LPP: variants seen among roughly 807,000 people sequenced by gnomAD.
LPP encodes lipoma-preferred partner.
In LPP, 38 loss-of-function variants were observed where a neutral mutation model predicts 60.4. The observed-to-expected ratio is 0.63, with a 90% CI of 0.49 to 0.83. The LOEUF is 0.83. LPP is among the 40% of genes least tolerant of loss of function. The pLI, the probability that LPP is intolerant of heterozygous loss-of-function variation, is 0.00. For missense variants in LPP, 902 were observed against 783.6 expected (o/e 1.15, Z -1.80); for synonymous variants, 328 against 290.8 (o/e 1.13, Z -1.30).
intron 2 of LPP, among the ~76,000 whole-genome samples, chr3:188,267,683 A>G (rs1053664992): frequency 3.3e-5 from 5 of 152,294 alleles, no homozygotes; most frequent in East Asian, 3.9e-4. Context: ...GCCTCTTTGT[A>G]TATCTTTCAA....
chr3:188,568,106 T>G (rs1398957306), intron 6 of LPP: 1 of 152,012 alleles, frequency 6.6e-6, no homozygotes, highest in African/African-American at 2.4e-5. Context: ...ATTTGTGATA[T>G]CACTATCAAT....
intron 7 of LPP, among the ~76,000 whole-genome samples, chr3:188,701,345 G>A (rs922358520): frequency 6.6e-6 from 1 of 151,538 alleles, no homozygotes; most frequent in Admixed American, 6.6e-5. Context: ...AAGAGGAATG[G>A]CAAAGAAGAA....
chr3:188,775,420 G>C (rs1245069689), intron 9 of LPP, among the ~76,000 whole-genome samples: 1 of 152,172 alleles, frequency 6.6e-6, no homozygotes, highest in South Asian at 2.1e-4. Context: ...TAGACATTCA[G>C]TAGGGCCTGA....
intron 8 of LPP, among the ~76,000 whole-genome samples, chr3:188,747,275 T>C (rs945099183): frequency 1.3e-5 from 2 of 152,230 alleles, no homozygotes; most frequent in Non-Finnish European, 2.9e-5. Context: ...ATATGATTTC[T>C]TGCTGTGTTC....
chr3:188,849,541 A>G (rs369193234), intron 9 of LPP, among the ~76,000 whole-genome samples: 9 of 152,204 alleles, frequency 5.9e-5, no homozygotes, highest in South Asian at 4.1e-4. Flanking sequence ...TTATATGTCC[A>G]TACGGGATGC....
At chr3:188,719,877 T>A (rs1715612310) in intron 8 of LPP, among the ~76,000 whole-genome samples, 1 of 152,132 alleles carries the variant, frequency 6.6e-6, no homozygotes, top group Non-Finnish European at 1.5e-5. Flanking sequence ...TGTTTGAACA[T>A]CTCTGGAGTT....
intron 7 of LPP, among the ~76,000 whole-genome samples, chr3:188,627,206 G>A (rs1027214729): frequency 5.9e-5 from 9 of 152,100 alleles, no homozygotes; most frequent in African/African-American, 2.2e-4. Flanking sequence ...TAAGTACATA[G>A]CCTGCTAACA....
intron 7 of LPP, among the ~76,000 whole-genome samples, chr3:188,693,034 G>A (rs762830389): frequency 1.3e-5 from 2 of 152,174 alleles, no homozygotes; most frequent in Admixed American, 6.5e-5. Flanking sequence ...AGATGCAGAA[G>A]CATTTAGAGT....
intron 7 of LPP, among the ~76,000 whole-genome samples, chr3:188,635,959 A>G (rs918889334): frequency 1.3e-5 from 2 of 152,218 alleles, no homozygotes; most frequent in Non-Finnish European, 2.9e-5. Flanking sequence ...GTTTTACCCA[A>G]TGCCTAGCCT....
At chr3:188,755,809 C>CAAAAAAAAAAAAAAAAAAAAAAAAAAAA (rs58696911) in intron 8 of LPP, among the ~76,000 whole-genome samples, 1 of 73,994 alleles carries the variant, frequency 1.4e-5, no homozygotes, top group Admixed American at 1.5e-4. Context: ...GATCCTGTCA[C>CAAAAAAAAAAAAAAAAAAAAAAAAAAAA]AAAAAAAAAA....
intron 2 of LPP, among the ~76,000 whole-genome samples, chr3:188,288,818 A>AT (rs1553851074): frequency 1.1e-4 from 3 of 27,094 alleles, no homozygotes; most frequent in African/African-American, 2.0e-4. Context: ...TCCACCCCCC[A>AT]CCCCCCACCC....
chr3:188,540,281 A>G (rs909696091), intron 6 of LPP, among the ~76,000 whole-genome samples: 5 of 152,314 alleles, frequency 3.3e-5, no homozygotes, highest in Admixed American at 1.3e-4. Flanking sequence ...TATTAAAGAA[A>G]AACTATATTG....
rs1459516755 is a variant in LPP, at chr3:188,265,036, C to T, written c.-67+39509C>T. Among the ~76,000 whole-genome samples the T allele has an allele frequency of 2.6e-5, 4 of 152,270 alleles. No individual in the cohort carries two copies. The East Asian group carries it at 7.7e-4, about 29-fold the overall frequency. Reference sequence around the variant, plus strand: ...ACCCTTCTTCATTTAGTTCCCCAAACTTCCACCCACTTTCTGACTCAAAGC... The same window carrying T: ...ACCCTTCTTCATTTAGTTCCCCAAATTTCCACCCACTTTCTGACTCAAAGC... On this transcript the variant is annotated intron_variant, in intron 2 of 11. Transcript: ENST00000617246.
chr3:188,200,947 T>C (rs1302711908), intron 1 of LPP, among the ~76,000 whole-genome samples: 2 of 152,204 alleles, frequency 1.3e-5, no homozygotes, highest in African/African-American at 4.8e-5. Context: ...ATGTAAAATA[T>C]ATAAACTTAA....
intron 2 of LPP, among the ~76,000 whole-genome samples, chr3:188,329,393 T>C (rs1435943613): frequency 6.6e-6 from 1 of 152,242 alleles, no homozygotes; most frequent in Non-Finnish European, 1.5e-5. Flanking sequence ...TGTATATCTT[T>C]TATCTGAAAT....
chr3:188,516,664 G>C lies in LPP; in HGVS notation c.307-8001G>C, dbSNP rs150178648. ...CTTAGAAAAGTCATTCTCAAAGTGA[G>C]AACACCTCACTTTGAGAATGACTCA... On this transcript the variant is annotated intron_variant, in intron 5 of 11. Transcript: ENST00000617246. Among the ~76,000 whole-genome samples the C allele has an allele frequency of 1.5e-4, 21 of 137,316 alleles. No individual in the cohort carries two copies. In the East Asian group the frequency reaches 5.6e-3, roughly 36 times the overall value. 90.1% of individuals were successfully genotyped at this position (137,316 alleles called of 152,430 possible). A position where few individuals can be genotyped will look rare whatever the true frequency, so the allele number is the denominator to read the frequency against.
chr3:188,481,241 GT>G (rs1288683973), intron 4 of LPP, among the ~76,000 whole-genome samples: 1 of 152,098 alleles, frequency 6.6e-6, no homozygotes, highest in African/African-American at 2.4e-5. Context: ...ATTTGTATCT[GT>G]TTTTGAGACA....
intron 9 of LPP, among the ~76,000 whole-genome samples, chr3:188,846,459 G>A (rs762019894): frequency 3.3e-5 from 5 of 152,022 alleles, no homozygotes; most frequent in Admixed American, 2.0e-4. Context: ...TGAGGCGGGC[G>A]GATCACGTGA....
chr3:188,345,764 C>G (rs995192406), intron 3 of LPP, among the ~76,000 whole-genome samples: 5 of 152,058 alleles, frequency 3.3e-5, no homozygotes, highest in Admixed American at 2.6e-4. Flanking sequence ...GCTTCCAGGT[C>G]TGGAGAAGAG....
Sources: allele counts gnomAD v4.1 joint callset (sites outside exome capture counted in the v4.1 genomes callset), GRCh38; gene constraint gnomAD v4.1.1; transcripts MANE v1.5; gene names NCBI Gene and HGNC (gene_info 2026-07-23, HGNC 2026-07-21).